ZC3H3: variants seen among roughly 807,000 people sequenced by gnomAD.
ZC3H3 encodes zinc finger CCCH domain-containing protein 3.
A neutral mutation model predicts 77.3 loss-of-function variants in ZC3H3; 36 were observed. That is an observed-to-expected ratio of 0.47 (90% CI 0.36 to 0.61). The LOEUF (loss-of-function observed/expected upper bound fraction) is 0.61. ZC3H3 is among the 20% of genes least tolerant of loss of function. The pLI is 0.00. For missense variants in ZC3H3, 1,331 were observed against 1,312.2 expected, an observed-to-expected ratio of 1.01 and a Z score of -0.22; for synonymous variants, 626 against 555.2, an observed-to-expected ratio of 1.13 and a Z score of -1.79.
At chr8:143,527,304 G>A (rs1280509206) in intron 3 of ZC3H3, among the ~76,000 whole-genome samples, 1 of 152,176 alleles carries the variant, frequency 6.6e-6, no homozygotes, top group Non-Finnish European at 1.5e-5. Context: ...GGAAGAGAGG[G>A]ACAAGAGGAC....
rs1286343170 is a variant in ZC3H3, at chr8:143,530,855, C to T, written c.1561+5402G>A. Among the ~76,000 whole-genome samples, 1 of 152,096 alleles carries T rather than the reference C, an allele frequency of 6.6e-6. No homozygotes were observed. The highest frequency in any genetic ancestry group is 1.5e-5 in the Non-Finnish European group (1 of 68,016). On this transcript the variant is annotated intron_variant, in intron 3 of 11. Coordinates refer to ENST00000262577, the MANE Select transcript of ZC3H3 (RefSeq NM_015117.3). The surrounding 1 kb of genome is among the most constrained non-coding windows in gnomAD (Gnocchi z 4.3). Reference sequence around the variant, plus strand: ...TCTTCTGCCCAAATGCCCCCTCTAGCATCGGTCCACCAGAGACAGATCAAC... The same window carrying T: ...TCTTCTGCCCAAATGCCCCCTCTAGTATCGGTCCACCAGAGACAGATCAAC...
chr8:143,506,161 C>G (rs1321725955), intron 4 of ZC3H3, among the ~76,000 whole-genome samples: 2 of 152,358 alleles, frequency 1.3e-5, no homozygotes, highest in Admixed American at 1.3e-4. Context: ...ACCAGACCAG[C>G]CGGACCCAAA....
rs1281153016 is a variant in ZC3H3, at chr8:143,440,063, C to T, written c.2793G>A (p.Arg931=). The T allele has an allele frequency of 6.4e-7, 1 of 1,569,504 alleles. No homozygotes were observed. Among genetic ancestry groups the T allele is most frequent in the African/African-American group, 1.4e-5 (1 of 74,042 alleles). ...TACCTGAGTCCTTGGTGAGGGGGGC[C>T]CTAGGGGCCCGGACCCTGGGCTGGG... is the stretch of plus-strand genomic sequence containing the variant. The part of the protein sequence containing the change: ...PGAQPRVRAP[R]APLTKDSGKP... Residue 931 remains arginine, a synonymous_variant, in exon 11 of 12, where the codon AGG becomes AGA. Transcript: ENST00000262577.
rs1390941538 is a variant in ZC3H3, at chr8:143,462,478, G to A, written c.2307+3239C>T. On this transcript the variant is annotated intron_variant, in intron 9 of 11. Transcript: ENST00000262577. This position sits in a 1 kb window ranked among gnomAD's most constrained non-coding sequence, Gnocchi z 4.7. ...GAAAGCAAGGCACCAACAGAGAAGC[G>A]CTGTATGTGAACAAAACCAAGACAG... 6.6e-6 allele frequency among the ~76,000 whole-genome samples: 1 copy of A among 152,344 alleles called. No individual in the cohort carries two copies. The highest frequency in any genetic ancestry group is 1.9e-4 in the East Asian group (1 of 5,190).
chr8:143,455,341 C>A (rs551136484), intron 9 of ZC3H3, among the ~76,000 whole-genome samples: 2 of 151,406 alleles, frequency 1.3e-5, no homozygotes, highest in African/African-American at 4.8e-5. Context: ...AATAAAAATA[C>A]AAAAATTAGC....
intron 9 of ZC3H3, among the ~76,000 whole-genome samples, chr8:143,451,794 A>AAAAAG (rs897081630): frequency 1.4e-3 from 213 of 151,770 alleles, no homozygotes; most frequent in Non-Finnish European, 1.5e-3. Context: ...AAAAAAAAAA[A>AAAAAG]AAAAGAAAAG....
At chr8:143,531,452 A>G (rs1822603905) in intron 3 of ZC3H3, among the ~76,000 whole-genome samples, 1 of 152,196 alleles carries the variant, frequency 6.6e-6, no homozygotes. Context: ...GGAGGGGAGG[A>G]GAGGCACCGA....
intron 4 of ZC3H3, chr8:143,484,921 A>C (rs1482773603): frequency 6.6e-6 from 3 of 453,608 alleles, no homozygotes; most frequent in Non-Finnish European, 1.3e-5. Context: ...AGCAAACTTC[A>C]TGCGGCCCTT....
rs943252202 is a variant in ZC3H3 at position 143,533,023 on chromosome 8, C to T, written c.1561+3234G>A. Among the ~76,000 whole-genome samples, 19 of 152,150 alleles carry T rather than the reference C, an allele frequency of 1.2e-4. No homozygotes were observed. The highest frequency in any genetic ancestry group is 3.2e-3 in the Middle Eastern group (1 of 316). ...CCTTGGCCTGGCGTCAGTGGCCTCACGCACAGGTCCTCCCGACTCTGCCCA... is the reference window on the plus strand; with the variant it reads ...CCTTGGCCTGGCGTCAGTGGCCTCATGCACAGGTCCTCCCGACTCTGCCCA... On this transcript the variant is annotated intron_variant, in intron 3 of 11. Coordinates refer to ENST00000262577, the MANE Select transcript of ZC3H3 (RefSeq NM_015117.3). The surrounding 1 kb of genome is among the most constrained non-coding windows in gnomAD (Gnocchi z 4.0).
intron 2 of ZC3H3, among the ~76,000 whole-genome samples, chr8:143,537,020 G>C (rs1405526765): frequency 6.6e-6 from 1 of 151,974 alleles, no homozygotes; most frequent in Non-Finnish European, 1.5e-5. Flanking sequence ...GAGGGCCAGA[G>C]AGAATGAGCT....
Position 143,523,250 on chromosome 8 carries a change from C to A in ZC3H3, c.1561+13007G>T, listed in dbSNP as rs539156365. On this transcript the variant is annotated intron_variant, in intron 3 of 11. Transcript: ENST00000262577. ...CCCCCACACCTCCCACTGCACACAA[C>A]CCTCCAGGCTTGCTCCACGTCCCCA... The A allele has an allele frequency of 4.7e-5, 44 of 945,318 alleles. No homozygotes were observed. The African/African-American group carries it at 6.2e-4, about 13-fold the overall frequency. The allele number at this position is 945,318 out of a possible 1,614,324, so 58.6% of individuals were successfully genotyped here.
chr8:143,455,366 C>T (rs749193806), intron 9 of ZC3H3, among the ~76,000 whole-genome samples: 6 of 151,862 alleles, frequency 4.0e-5, no homozygotes, highest in South Asian at 2.1e-4. Flanking sequence ...CGTGGTGGCG[C>T]GTGTCTGTAA....
intron 3 of ZC3H3, among the ~76,000 whole-genome samples, chr8:143,515,765 A>G (rs143152022): frequency 6.6e-6 from 1 of 152,358 alleles, no homozygotes; most frequent in Non-Finnish European, 1.5e-5. Context: ...CAGATGGCAC[A>G]GCTGGGCCAG....
At chr8:143,441,220 G>C (rs1284664660) in intron 9 of ZC3H3, 100 bp from the exon 10 acceptor site, 1 of 1,246,018 alleles carries the variant, frequency 8.0e-7, no homozygotes, top group African/African-American at 1.6e-5. Flanking sequence ...AGTACCCACG[G>C]GGCCCCATAG....
intron 11 of ZC3H3, among the ~76,000 whole-genome samples, chr8:143,439,377 C>T (rs564311554): frequency 1.3e-5 from 2 of 152,320 alleles, no homozygotes; most frequent in Admixed American, 6.5e-5. Flanking sequence ...AAATGATAGC[C>T]GTATGGTCGC....
intron 1 of ZC3H3, 55 bp from the exon 2 acceptor site, chr8:143,539,375 G>C: frequency 6.7e-7 from 1 of 1,495,676 alleles, no homozygotes; most frequent in African/African-American, 1.4e-5. Flanking sequence ...CGATAATCAT[G>C]ACTACCCTGG....
chr8:143,519,903 C>T (rs554766875), intron 3 of ZC3H3, among the ~76,000 whole-genome samples: 14 of 152,280 alleles, frequency 9.2e-5, no homozygotes, highest in African/African-American at 3.1e-4. Context: ...CCTCTGAGCC[C>T]GACGGTGCCA....
chr8:143,473,871 G>T (rs1035929395), intron 5 of ZC3H3, among the ~76,000 whole-genome samples: 7 of 152,182 alleles, frequency 4.6e-5, no homozygotes, highest in Non-Finnish European at 8.8e-5. Flanking sequence ...ACTGGCCAGG[G>T]GCTTATACTT....
intron 9 of ZC3H3, among the ~76,000 whole-genome samples, chr8:143,457,104 G>A (rs191699625): frequency 6.6e-6 from 1 of 152,262 alleles, no homozygotes; most frequent in Non-Finnish European, 1.5e-5. Context: ...AGCTCTATTA[G>A]ACATTTACAG....
Sources: gnomAD v4.1 joint callset for allele counts (sites outside exome capture counted in the v4.1 genomes callset) on GRCh38, gnomAD v4.1.1 for gene constraint, Gnocchi (gnomAD v3.1) non-coding constraint, MANE v1.5 for transcripts, NCBI Gene and HGNC (gene_info 2026-07-23, HGNC 2026-07-21) for gene names.